ZNF638: variants seen among roughly 807,000 people sequenced by gnomAD.
ZNF638 encodes the protein zinc finger protein 638, also known as CTCL tumor antigen se33-1.
A neutral mutation model predicts 195.6 loss-of-function variants in ZNF638; 46 were observed. That is an observed-to-expected ratio of 0.24 (90% CI 0.19 to 0.30). ZNF638 has a LOEUF of 0.30. Among genes scored for constraint, ZNF638 ranks in the 10% least tolerant of loss-of-function variants. ZNF638 has a pLI of 1.00. For synonymous variants in ZNF638, 845 were observed against 772.0 expected (o/e 1.09, Z -1.57); for missense variants, 2,440 against 2,325.3 (o/e 1.05, Z -1.01).
intron 15 of ZNF638, among the ~76,000 whole-genome samples, chr2:71,400,938 TAAAG>T (rs2079993327): frequency 6.6e-6 from 1 of 152,182 alleles, no homozygotes. Flanking sequence ...GTTTGCAGTT[TAAAG>T]GACATGAAGT....
intron 23 of ZNF638, 28 bp from the exon 24 acceptor site, chr2:71,426,432 A>G (rs757132014): frequency 6.6e-7 from 1 of 1,511,214 alleles, no homozygotes; most frequent in African/African-American, 1.4e-5. Context: ...ATTTGTTTAC[A>G]ATACTATGAT....
rs772299048 is a variant in ZNF638, at chr2:71,426,855, T to G, written c.4986T>G (p.Asp1662Glu). The part of the protein sequence containing the change: ...DDCISHSEPK[D>E]VTVLSVAEEQ... Reference sequence around the variant, plus strand: ...GCATTTCCCACAGTGAACCTAAAGATGTTACTGTTCTGTCAGTGGCTGAAG... The same window carrying G: ...GCATTTCCCACAGTGAACCTAAAGAGGTTACTGTTCTGTCAGTGGCTGAAG... The change falls in exon 24 of 28, where the codon GAT (aspartate) becomes GAG (glutamate). Residue 1662 changes from aspartate to glutamate, a missense_variant. By Grantham distance (45) the Asp-to-Glu change is conservative. Transcript: ENST00000264447. The G allele has an allele frequency of 6.2e-7, 1 of 1,614,090 alleles. No individual in the cohort carries two copies. Among genetic ancestry groups the G allele is most frequent in the Non-Finnish European group, 8.5e-7 (1 of 1,179,940 alleles).
intron 23 of ZNF638, among the ~76,000 whole-genome samples, chr2:71,425,336 A>G (rs922573675): frequency 6.6e-6 from 1 of 152,200 alleles, no homozygotes; most frequent in African/African-American, 2.4e-5. Context: ...TGGCTACTAA[A>G]GCAGAAATAA....
intron 10 of ZNF638, chr2:71,395,722 G>A (rs2079879074): frequency 2.4e-6 from 1 of 416,138 alleles, no homozygotes; most frequent in Non-Finnish European, 4.5e-6. Flanking sequence ...TGTCTCTAAG[G>A]CCGAACAGTC....
rs773523527 is a variant in ZNF638 at position 71,380,262 on chromosome 2, T to C, written c.2306T>C (p.Val769Ala). ...AAAAAGACTTTAGAGTCAAAGAAAG[T>C]ATCTGCATCTACCTTAAAGTAAGTG... ...VKKKTLESKKVSASTLKRDAD... is the reference protein window; with the variant it reads ...VKKKTLESKKASASTLKRDAD... Residue 769 changes from valine to alanine, a missense_variant, in exon 9 of 28, where the codon GTA becomes GCA. By Grantham distance (64) the Val-to-Ala change is moderately conservative. This residue lies in a region of ZNF638 where 1,883 missense variants were observed against 1,739.1 expected (regional missense o/e 1.08). Coordinates refer to ENST00000264447, the MANE Select transcript of ZNF638 (RefSeq NM_014497.5). 2.5e-5 allele frequency: 39 copies of C among 1,570,664 alleles called. No individual in the cohort carries two copies. Among genetic ancestry groups the C allele is most frequent in the Admixed American group, 4.0e-5 (2 of 49,804 alleles).
intron 1 of ZNF638, among the ~76,000 whole-genome samples, chr2:71,347,586 C>A (rs767724556): frequency 2.0e-5 from 3 of 152,198 alleles, no homozygotes; most frequent in Non-Finnish European, 4.4e-5. Flanking sequence ...CCATGCATTT[C>A]AATCACACAT....
At chr2:71,424,221 A>T (rs1442168302) in intron 22 of ZNF638, among the ~76,000 whole-genome samples, 183 bp downstream of exon 22, 2 of 151,940 alleles carry the variant, frequency 1.3e-5, no homozygotes, top group African/African-American at 4.8e-5. Context: ...AGAGTATTAA[A>T]CTCAAGTTCA....
At chr2:71,408,742 A>G (rs751286451) in intron 20 of ZNF638, 8 of 454,866 alleles carry the variant, frequency 1.8e-5, no homozygotes, top group South Asian at 6.5e-5. Context: ...AACTCAATCT[A>G]TTTTCTCCTT....
Position 71,350,051 on chromosome 2 carries a change from C to G in ZNF638, c.1097C>G (p.Ser366Ter). 6.2e-7 allele frequency: 1 copy of G among 1,614,182 alleles called. No homozygotes were observed. Among genetic ancestry groups the G allele is most frequent in the Non-Finnish European group, 8.5e-7 (1 of 1,180,040 alleles). Residue 366 changes from serine to a stop codon, truncating the protein, a stop_gained, in exon 2 of 28, where the codon TCA becomes TGA. Transcript: ENST00000264447. LOFTEE classifies it high-confidence loss of function. ...VINSSNVHVG[S>*]RGSKKNYQSQ... Reference sequence around the variant, plus strand: ...AATTCATCTAACGTACATGTTGGATCAAGAGGAAGTAAAAAGAATTACCAG... The same window carrying G: ...AATTCATCTAACGTACATGTTGGATGAAGAGGAAGTAAAAAGAATTACCAG...
intron 8 of ZNF638, among the ~76,000 whole-genome samples, chr2:71,372,054 A>AT (rs2079323519): frequency 6.6e-6 from 1 of 152,130 alleles, no homozygotes; most frequent in Admixed American, 6.6e-5. Context: ...TCTTAGATAA[A>AT]AGTCTTTAAT....
chr2:71,368,628 A>G lies in ZNF638; in HGVS notation c.2142+100A>G, dbSNP rs538854679. The G allele has an allele frequency of 2.4e-6, 3 of 1,258,520 alleles. No individual in the cohort carries two copies. In the African/African-American group the frequency reaches 4.6e-5, roughly 19 times the overall value. 78.0% of individuals were successfully genotyped at this position (1,258,520 alleles called of 1,614,324 possible). On this transcript the variant is annotated intron_variant, in intron 7 of 27. Coordinates refer to ENST00000264447, the MANE Select transcript of ZNF638 (RefSeq NM_014497.5). ...CCTTAGCTGCTTGTACTGCATATAT[A>G]ATTGTTCTTTGAGAGTTATATAAAT... is the stretch of plus-strand genomic sequence containing the variant.
intron 1 of ZNF638, among the ~76,000 whole-genome samples, chr2:71,334,225 C>T (rs780056818): frequency 6.6e-6 from 1 of 152,202 alleles, no homozygotes; most frequent in African/African-American, 2.4e-5. Context: ...AAATCATGCT[C>T]TTTCCACTGT....
intron 21 of ZNF638, 99 bp downstream of exon 21, chr2:71,418,738 CT>C: frequency 1.2e-6 from 1 of 822,972 alleles, no homozygotes. Flanking sequence ...GTGAAAAGTT[CT>C]TTTCTGCATA....
chr2:71,335,770 AAAC>A (rs1031301751), intron 1 of ZNF638, among the ~76,000 whole-genome samples: 1 of 152,202 alleles, frequency 6.6e-6, no homozygotes, highest in Non-Finnish European at 1.5e-5. Context: ...ATTACACGTA[AAAC>A]AACAGTAACT....
chr2:71,349,774 T>A lies in ZNF638; in HGVS notation c.820T>A (p.Phe274Ile), dbSNP rs754487043. Residue 274 changes from phenylalanine (F) to isoleucine (I), a missense_variant, in exon 2 of 28, where the codon TTC (phenylalanine) becomes ATC (isoleucine). By Grantham distance (21) the Phe-to-Ile change is conservative. This residue lies in a region of ZNF638 where 305 missense variants were observed against 283.6 expected (regional missense o/e 1.08). Transcript: ENST00000264447. The part of the protein sequence containing the change: ...PVEDVFRQMD[F>I]PGESSNNRSF... ...TGAAGACGTATTTCGCCAAATGGAC[T>A]TCCCCGGTGAGTCCTCCAATAATCG... is the stretch of plus-strand genomic sequence containing the variant. 22 of 1,614,204 alleles carry A rather than the reference T, an allele frequency of 1.4e-5. No individual in the cohort carries two copies. The South Asian group carries it at 2.3e-4, about 17-fold the overall frequency.
intron 24 of ZNF638, among the ~76,000 whole-genome samples, chr2:71,428,225 A>T (rs1278573517): frequency 6.6e-6 from 1 of 152,150 alleles, no homozygotes; most frequent in African/African-American, 2.4e-5. Context: ...GAAAGATTTA[A>T]CTCAACTAAG....
At chr2:71,373,702 G>A (rs1180573189) in intron 8 of ZNF638, among the ~76,000 whole-genome samples, 1 of 152,044 alleles carries the variant, frequency 6.6e-6, no homozygotes, top group Non-Finnish European at 1.5e-5. Context: ...ACAGGCGTGA[G>A]CCACCTCGCC....
At chr2:71,364,385 C>A in intron 5 of ZNF638, 133 bp downstream of exon 5, 1 of 936,098 alleles carries the variant, frequency 1.1e-6, no homozygotes, top group South Asian at 1.8e-5. Context: ...ACCCACATGC[C>A]ACAGAGTTAT....
chr2:71,418,759 T>C (rs1203417472), intron 21 of ZNF638, 120 bp downstream of exon 21: 6 of 669,690 alleles, frequency 9.0e-6, no homozygotes, highest in Non-Finnish European at 1.2e-5. Context: ...ATTTATTTTG[T>C]GTACATATGG....
Sources: gnomAD v4.1 joint callset for allele counts (sites outside exome capture counted in the v4.1 genomes callset) on GRCh38, gnomAD v4.1.1 for gene constraint, gnomAD v4.1.1 regional missense constraint, MANE v1.5 for transcripts, NCBI Gene and HGNC (gene_info 2026-07-23, HGNC 2026-07-21) for gene names.